THSD4: variants seen among roughly 807,000 people sequenced by gnomAD.
The protein encoded by THSD4 is thrombospondin type-1 domain-containing protein 4.
A neutral mutation model predicts 119.0 loss-of-function variants in THSD4; 69 were observed. The ratio of observed to expected loss-of-function variants is 0.58; its 90% CI spans 0.48 to 0.71. The LOEUF (loss-of-function observed/expected upper bound fraction) is 0.71. Ranked by LOEUF, THSD4 falls within the 30% of genes least tolerant of loss-of-function variation. The pLI, the probability that THSD4 is intolerant of heterozygous loss-of-function variation, is 0.00. For missense variants in THSD4, 1,393 were observed against 1,391.1 expected (o/e 1.00, Z -0.02); for synonymous variants, 524 against 540.4 (o/e 0.97, Z 0.42).
chr15:71,724,287 A>ATATATATATTT lies in THSD4; in HGVS notation c.1358-4261_1358-4260insATATATATTTT. On this transcript the variant is annotated intron_variant, in intron 8 of 17. Transcript: ENST00000261862. Reference sequence around the variant, plus strand: ...ATGGGATATATATATATATATATATATTTTTTTTTTCCCCCCAAGATGGAA... The same window carrying ATATATATATTT: ...ATGGGATATATATATATATATATATATATATATATTTTTTTTTTTTTCCCCCCAAGATGGAA... Among the ~76,000 whole-genome samples the ATATATATATTT allele has an allele frequency of 8.3e-4, 31 of 37,284 alleles. No homozygotes were observed. The East Asian group carries it at 0.012, about 15-fold the overall frequency. 24.5% of individuals were successfully genotyped at this position (37,284 alleles called of 152,430 possible).
intron 9 of THSD4, 37 bp from the exon 10 acceptor site, chr15:71,731,084 G>A (rs769289648): frequency 3.7e-6 from 6 of 1,608,534 alleles, no homozygotes; most frequent in East Asian, 2.2e-5. Context: ...GTGTGCATAC[G>A]TGCCAAGTGC....
rs1352365191 is a variant in THSD4 at position 71,745,235 on chromosome 15, T to C, written c.2036T>C (p.Phe679Ser). The change falls in exon 12 of 18, where the codon TTC becomes TCC. Residue 679 changes from phenylalanine to serine, a missense_variant and splice_region_variant. By Grantham distance (155) the Phe-to-Ser change is radical. Coordinates refer to ENST00000261862, the MANE Select transcript of THSD4 (RefSeq NM_024817.3). ...EPCNIFPCPAFWDIGEWSECS... is the reference protein window; with the variant it reads ...EPCNIFPCPASWDIGEWSECS... Reference sequence around the variant, plus strand: ...TGCAACATCTTCCCTTGCCCAGCCTTGTAAGAAGGCCCCTCCATTTAGGTC... The same window carrying C: ...TGCAACATCTTCCCTTGCCCAGCCTCGTAAGAAGGCCCCTCCATTTAGGTC... 1 of 1,613,872 alleles carries C rather than the reference T, an allele frequency of 6.2e-7. No individual in the cohort carries two copies. Among genetic ancestry groups the C allele is most frequent in the South Asian group, 1.1e-5 (1 of 91,064 alleles).
chr15:71,228,751 G>A (rs1047176853), intron 4 of THSD4, among the ~76,000 whole-genome samples: 8 of 151,984 alleles, frequency 5.3e-5, no homozygotes, highest in African/African-American at 1.9e-4. Context: ...CTCCATTCTC[G>A]CCCTTATGCC....
At chr15:71,097,661 G>A (rs1046109641) in intron 1 of THSD4, among the ~76,000 whole-genome samples, 7 of 149,104 alleles carry the variant, frequency 4.7e-5, no homozygotes, top group South Asian at 4.2e-4. Context: ...GTTGTTATAC[G>A]TTATATCTTA....
intron 7 of THSD4, among the ~76,000 whole-genome samples, chr15:71,659,838 A>G (rs2140994688): frequency 6.6e-6 from 1 of 152,334 alleles, no homozygotes; most frequent in South Asian, 2.1e-4. Flanking sequence ...GAGGGAATTC[A>G]GGAAAGTCAG....
At chr15:71,704,656 GTATT>G (rs1011716926) in intron 8 of THSD4, among the ~76,000 whole-genome samples, 4 of 152,214 alleles carry the variant, frequency 2.6e-5, no homozygotes, top group African/African-American at 7.2e-5. Context: ...TCAGAGCTAA[GTATT>G]TATTCAGTTA....
chr15:71,637,220 A>T lies in THSD4; in HGVS notation c.1153-23310A>T, dbSNP rs375963999. Among the ~76,000 whole-genome samples the T allele has an allele frequency of 7.0e-4, 106 of 152,294 alleles. No homozygotes were observed. In the South Asian group the frequency reaches 0.014, roughly 20 times the overall value. ...AATTAACTATTTTTCACCGTTGTTT[A>T]CAGAGCTTTAACTTCTCATTTGCTT... On this transcript the variant is annotated intron_variant, in intron 7 of 17. Coordinates refer to ENST00000261862, the MANE Select transcript of THSD4 (RefSeq NM_024817.3).
At chr15:71,457,336 C>T (rs747300371) in intron 7 of THSD4, among the ~76,000 whole-genome samples, 60 of 138,048 alleles carry the variant, frequency 4.3e-4, no homozygotes, top group South Asian at 6.9e-4. Context: ...GCTGAGATCA[C>T]GCCACTGCAC....
chr15:71,648,131 C>G (rs905951488), intron 7 of THSD4, among the ~76,000 whole-genome samples: 1 of 152,196 alleles, frequency 6.6e-6, no homozygotes, highest in Non-Finnish European at 1.5e-5. Flanking sequence ...TCTGTGTGAG[C>G]TTTGACCTAT....
At chr15:71,683,700 C>A (rs1041380075) in intron 8 of THSD4, among the ~76,000 whole-genome samples, 1 of 152,130 alleles carries the variant, frequency 6.6e-6, no homozygotes, top group East Asian at 1.9e-4. Context: ...TCTGGCCAGG[C>A]TCAGTGGCTT....
At chr15:71,618,024 G>A (rs917525042) in intron 7 of THSD4, among the ~76,000 whole-genome samples, 9 of 152,190 alleles carry the variant, frequency 5.9e-5, no homozygotes, top group Admixed American at 5.9e-4. Context: ...AACAACAAGG[G>A]TCCGTATTTT....
In THSD4 at chr15:71,745,027, G is replaced by A. The variant is rs894497502; in HGVS notation, c.1907-79G>A. ...CTGTGCCCTCTCTTCATCAGCACCC[G>A]AATCTCTGTGCATCTCCACCCATAG... On this transcript the variant is annotated intron_variant, in intron 11 of 17. Transcript: ENST00000261862. 46 of 1,527,016 alleles carry A rather than the reference G, an allele frequency of 3.0e-5. No individual in the cohort carries two copies. In the Admixed American group the frequency reaches 6.6e-4, roughly 22 times the overall value. The allele number at this position is 1,527,016 out of a possible 1,614,324, so 94.6% of individuals were successfully genotyped here. A position where few individuals can be genotyped will look rare whatever the true frequency, so the allele number is the denominator to read the frequency against.
intron 7 of THSD4, among the ~76,000 whole-genome samples, chr15:71,605,300 T>C (rs535670504): frequency 1.3e-5 from 2 of 152,324 alleles, no homozygotes; most frequent in South Asian, 2.1e-4. Flanking sequence ...AATATTATTA[T>C]CAAAACGTCC....
rs370249196 is a variant in THSD4 at position 71,338,392 on chromosome 15, T to C, written c.1016-73295T>C. ...CTTTGGACCGGAGTCTGAACACTTA[T>C]AGATATCAGGGAGGTTCACATTGCT... On this transcript the variant is annotated intron_variant, in intron 6 of 17. Transcript: ENST00000261862. Among the ~76,000 whole-genome samples the C allele has an allele frequency of 4.1e-4, 63 of 151,960 alleles. No homozygotes were observed. In the East Asian group the frequency reaches 6.8e-3, roughly 16 times the overall value.
chr15:71,567,602 C>CCCCG (rs201007082), intron 7 of THSD4, among the ~76,000 whole-genome samples: 1 of 142,506 alleles, frequency 7.0e-6, no homozygotes. Context: ...AGACACCCCC[C>CCCCG]CACACACACA....
intron 7 of THSD4, among the ~76,000 whole-genome samples, chr15:71,502,699 G>A (rs1325096806): frequency 2.0e-5 from 3 of 152,062 alleles, no homozygotes; most frequent in Admixed American, 2.0e-4. Context: ...TTCTATGTAT[G>A]GAATACATAC....
At chr15:71,532,367 G>A (rs553943424) in intron 7 of THSD4, among the ~76,000 whole-genome samples, 1 of 151,266 alleles carries the variant, frequency 6.6e-6, no homozygotes, top group East Asian at 2.0e-4. Flanking sequence ...CTGGATTACA[G>A]TGGTGCCATC....
intron 8 of THSD4, among the ~76,000 whole-genome samples, chr15:71,671,271 A>G (rs2051522409): frequency 6.6e-6 from 1 of 152,216 alleles, no homozygotes; most frequent in African/African-American, 2.4e-5. Flanking sequence ...TGTTGGCTGC[A>G]TAAATGTTTT....
chr15:71,203,335 AAC>A (rs2043818308), intron 3 of THSD4, among the ~76,000 whole-genome samples: 1 of 152,136 alleles, frequency 6.6e-6, no homozygotes, highest in African/African-American at 2.4e-5. Flanking sequence ...GCAAGAGAGT[AAC>A]ACAGTAGGGC....
Sources: gnomAD v4.1 joint callset for allele counts (sites outside exome capture counted in the v4.1 genomes callset) on GRCh38, gnomAD v4.1.1 for gene constraint, MANE v1.5 for transcripts, NCBI Gene and HGNC (gene_info 2026-07-23, HGNC 2026-07-21) for gene names.